The following MACROD2 variants were observed in gnomAD, a reference collection of about 807,000 sequenced individuals.
The protein encoded by MACROD2 is ADP-ribose glycohydrolase MACROD2.
Under a neutral mutation model 70.4 loss-of-function variants are expected in MACROD2, and 36 were observed. That is an observed-to-expected ratio of 0.51 (90% confidence interval 0.39 to 0.68). The LOEUF (loss-of-function observed/expected upper bound fraction) is 0.68, where lower values mean the gene tolerates loss of function less well. MACROD2 is among the 30% of genes least tolerant of loss of function. MACROD2 has a pLI of 0.00. For synonymous variants in MACROD2, 172 were observed against 178.8 expected, an observed-to-expected ratio of 0.96 and a Z score of 0.30; for missense variants, 496 against 538.4, an observed-to-expected ratio of 0.92 and a Z score of 0.78.
intron 3 of MACROD2, among the ~76,000 whole-genome samples, chr20:14,098,623 C>T (rs924719971): frequency 3.3e-5 from 5 of 152,052 alleles, no homozygotes; most frequent in Non-Finnish European, 5.9e-5. Context: ...GTTTTATTCA[C>T]CTCTACTTGC....
At chr20:14,112,794 T>C (rs1431316497) in intron 3 of MACROD2, among the ~76,000 whole-genome samples, 1 of 151,886 alleles carries the variant, frequency 6.6e-6, no homozygotes, top group Admixed American at 6.6e-5. Context: ...GTCTTTAATT[T>C]ACATAAAAAT....
intron 10 of MACROD2, chr20:15,893,682 C>A (rs563546790): frequency 2.2e-6 from 1 of 456,554 alleles, no homozygotes; most frequent in Admixed American, 2.3e-5. Context: ...GCCCAAAGAC[C>A]CAGAAGCGAT....
intron 3 of MACROD2, among the ~76,000 whole-genome samples, chr20:14,261,329 C>A (rs2082099458): frequency 6.6e-6 from 1 of 151,946 alleles, no homozygotes; most frequent in Non-Finnish European, 1.5e-5. Flanking sequence ...TAACAAAATC[C>A]CTTTTGTTGT....
chr20:14,519,540 G>A (rs529490030), intron 4 of MACROD2, among the ~76,000 whole-genome samples: 1 of 152,252 alleles, frequency 6.6e-6, no homozygotes, highest in South Asian at 2.1e-4. Context: ...AGTCAGAATG[G>A]CTATTGTTAA....
At chr20:15,449,283 G>T (rs575914717) in intron 7 of MACROD2, among the ~76,000 whole-genome samples, 1 of 116,650 alleles carries the variant, frequency 8.6e-6, no homozygotes, top group African/African-American at 3.9e-5. Flanking sequence ...CCTTGAGAGG[G>T]CTCCTATTAA....
intron 15 of MACROD2, among the ~76,000 whole-genome samples, chr20:16,001,237 A>G (rs988941403): frequency 1.3e-5 from 2 of 152,150 alleles, no homozygotes; most frequent in African/African-American, 4.8e-5. Flanking sequence ...AATGTTAATT[A>G]TTTTTTTCAT....
chr20:15,630,898 A>T (rs1419873019), intron 8 of MACROD2, among the ~76,000 whole-genome samples: 5 of 152,216 alleles, frequency 3.3e-5, no homozygotes, highest in Non-Finnish European at 1.5e-5. Context: ...AGAGGGGACC[A>T]CAAAATCGAT....
intron 5 of MACROD2, among the ~76,000 whole-genome samples, chr20:15,042,400 T>C (rs537177298): frequency 1.3e-5 from 2 of 152,324 alleles, no homozygotes; most frequent in East Asian, 3.9e-4. Flanking sequence ...TGCTCAATCA[T>C]TTCCAGTATG....
chr20:14,305,434 A>G (rs1252928050), intron 3 of MACROD2, among the ~76,000 whole-genome samples: 1 of 152,150 alleles, frequency 6.6e-6, no homozygotes, highest in Non-Finnish European at 1.5e-5. Flanking sequence ...CCAAAAACAC[A>G]AAAGAGTGGA....
chr20:14,214,182 A>G (rs754379587), intron 3 of MACROD2, among the ~76,000 whole-genome samples: 3 of 152,214 alleles, frequency 2.0e-5, no homozygotes, highest in Non-Finnish European at 4.4e-5. Context: ...TAAGAAGACT[A>G]TCCTACGCTT....
intron 5 of MACROD2, among the ~76,000 whole-genome samples, chr20:14,925,802 A>G (rs1195187235): frequency 1.3e-5 from 2 of 152,208 alleles, no homozygotes; most frequent in African/African-American, 4.8e-5. Flanking sequence ...ACCTTAAATT[A>G]TAATCTCTAA....
chr20:14,899,434 C>T (rs760548719), intron 5 of MACROD2, among the ~76,000 whole-genome samples: 1 of 152,090 alleles, frequency 6.6e-6, no homozygotes, highest in Admixed American at 6.5e-5. Flanking sequence ...GAATTTGTTC[C>T]ATAGCTATCC....
rs184488730 is a variant in MACROD2, at chr20:15,786,994, A to G, written c.646-75751A>G. Among the ~76,000 whole-genome samples, 137 of 152,258 alleles carry G rather than the reference A, an allele frequency of 9.0e-4. 3 individuals carry two copies. Among genetic ancestry groups the G allele is most frequent in the Admixed American group, 7.4e-3 (114 of 15,304 alleles). On this transcript the variant is annotated intron_variant, in intron 8 of 17. Transcript: ENST00000684519. ...TTTTGTTTTTGTGTTTGTTTTTGAG[A>G]CAGAGTCTCACTCTGTCGCCCAGGC...
intron 13 of MACROD2, among the ~76,000 whole-genome samples, chr20:15,973,757 G>A (rs913093014): frequency 3.3e-5 from 5 of 152,170 alleles, no homozygotes; most frequent in Admixed American, 2.6e-4. Context: ...TGAGAAAGGA[G>A]CATCAAAAGA....
intron 6 of MACROD2, among the ~76,000 whole-genome samples, chr20:15,313,862 A>G (rs1042002393): frequency 2.6e-5 from 4 of 152,184 alleles, no homozygotes; most frequent in Non-Finnish European, 5.9e-5. Context: ...TAAAATATCA[A>G]TTTTCAAAAA....
chr20:15,079,504 C>A (rs2075686207), intron 5 of MACROD2, among the ~76,000 whole-genome samples: 1 of 152,172 alleles, frequency 6.6e-6, no homozygotes, highest in Admixed American at 6.5e-5. Flanking sequence ...ATCTTTGCAG[C>A]TCCTTCCCTG....
At chr20:14,396,040 C>A (rs1309851275) in intron 3 of MACROD2, among the ~76,000 whole-genome samples, 1 of 152,150 alleles carries the variant, frequency 6.6e-6, no homozygotes, top group Non-Finnish European at 1.5e-5. Flanking sequence ...CAGGTGTGTG[C>A]CACTGCACCT....
intron 8 of MACROD2, among the ~76,000 whole-genome samples, chr20:15,643,365 T>C (rs573993195): frequency 1.3e-5 from 2 of 152,372 alleles, no homozygotes; most frequent in African/African-American, 4.8e-5. Flanking sequence ...TCATTTCTTA[T>C]CATTCTGATG....
chr20:14,428,246 A>G (rs1442219454), intron 3 of MACROD2, among the ~76,000 whole-genome samples: 1 of 152,138 alleles, frequency 6.6e-6, no homozygotes, highest in African/African-American at 2.4e-5. Context: ...TTCAAGATAT[A>G]TGCCTATTAA....
Sources: gnomAD v4.1 joint callset for allele counts (sites outside exome capture counted in the v4.1 genomes callset) on GRCh38, gnomAD v4.1.1 for gene constraint, MANE v1.5 for transcripts, NCBI Gene and HGNC (gene_info 2026-07-23, HGNC 2026-07-21) for gene names.